The following ZRANB1 variants were observed in gnomAD, a reference collection of about 807,000 sequenced individuals.
The protein encoded by ZRANB1 is ubiquitin thioesterase ZRANB1.
In ZRANB1, 16 loss-of-function variants were observed where a neutral mutation model predicts 80.5. The ratio of observed to expected loss-of-function variants is 0.20; its 90% CI spans 0.13 to 0.30. The LOEUF (loss-of-function observed/expected upper bound fraction) is 0.30. ZRANB1 is among the 10% of genes least tolerant of loss of function. The pLI, the probability that ZRANB1 is intolerant of heterozygous loss-of-function variation, is 1.00. For missense variants in ZRANB1, 576 were observed against 862.6 expected (o/e 0.67, Z 4.16); for synonymous variants, 291 against 293.1 (o/e 0.99, Z 0.07).
the ZRANB1 span, among the ~76,000 whole-genome samples, chr10:124,930,051 G>A: frequency 0.62 from 94,758 of 151,806 alleles, 31,920 homozygotes; most frequent in Non-Finnish European, 0.75. Flanking sequence ...AACTTAAGTT[G>A]ATGTTACATC....
At chr10:124,930,889 G>T in the ZRANB1 span, among the ~76,000 whole-genome samples, 1 of 151,968 alleles carries the variant, frequency 6.6e-6, no homozygotes, top group Non-Finnish European at 1.5e-5. Context: ...AAATAGCTCG[G>T]TGTAATGGTG....
intron 8 of ZRANB1, 104 bp from the exon 9 acceptor site, chr10:124,984,670 C>T (rs543841073): frequency 2.5e-6 from 3 of 1,202,896 alleles, no homozygotes; most frequent in East Asian, 2.4e-5. Context: ...TTGCTTTGGC[C>T]TTTTCATGAG....
At chr10:124,931,393 CAG>C in the ZRANB1 span, among the ~76,000 whole-genome samples, 1 of 152,016 alleles carries the variant, frequency 6.6e-6, no homozygotes, top group Non-Finnish European at 1.5e-5. Context: ...TTTTTTGAGA[CAG>C]AGTCTTGCTC....
Position 124,983,666 on chromosome 10 carries a change from T to G in ZRANB1, c.1886T>G (p.Val629Gly). 6.3e-7 allele frequency: 1 copy of G among 1,599,690 alleles called. No individual in the cohort carries two copies. Among genetic ancestry groups the G allele is most frequent in the South Asian group, 1.1e-5 (1 of 89,828 alleles). Residue 629 changes from valine (V) to glycine (G), a missense_variant, in exon 8 of 9, where the codon GTG becomes GGG. Val to Gly is a moderately radical substitution (Grantham distance 109). This residue lies in a region of ZRANB1 where 152 missense variants were observed against 221.9 expected (regional missense o/e 0.69). Coordinates refer to ENST00000359653, the MANE Select transcript of ZRANB1 (RefSeq NM_017580.3). This position sits in a 1 kb window ranked among gnomAD's most constrained non-coding sequence, Gnocchi z 6.2. ...LVDSERKLLHVHFLSAQELGN... is the reference protein window; with the variant it reads ...LVDSERKLLHGHFLSAQELGN... The stretch of plus-strand genomic sequence containing the variant: ...GACAGTGAAAGGAAGCTACTCCATG[T>G]GCACTTCCTTTCTGCTCAGGAGGTA...
chr10:124,963,505 T>A (rs1458795469), intron 1 of ZRANB1, among the ~76,000 whole-genome samples: 2 of 150,536 alleles, frequency 1.3e-5, no homozygotes, highest in African/African-American at 4.9e-5. Context: ...GTGCTCAAAG[T>A]GTAATTATGT....
At chr10:124,975,154 T>C (rs935012951) in intron 5 of ZRANB1, among the ~76,000 whole-genome samples, 2 of 152,214 alleles carry the variant, frequency 1.3e-5, no homozygotes, top group Admixed American at 1.3e-4. Flanking sequence ...TTACAAGTTT[T>C]TTTCCTTCCT....
chr10:124,974,548 G>T lies in ZRANB1; in HGVS notation c.1427+150G>T, dbSNP rs538369092. 6 of 748,760 alleles carry T rather than the reference G, an allele frequency of 8.0e-6. No individual in the cohort carries two copies. The South Asian group carries it at 8.5e-5, about 11-fold the overall frequency. The allele number at this position is 748,760 out of a possible 1,614,324, so 46.4% of individuals were successfully genotyped here. ...TTGGACATTAAAATACTTTGAACAC[G>T]TCCATGGTTTCTGTTTTTGTTTTTC... On this transcript the variant is annotated intron_variant, in intron 5 of 8. Transcript: ENST00000359653.
At chr10:124,956,983 C>A (rs1421989285) in intron 1 of ZRANB1, among the ~76,000 whole-genome samples, 1 of 152,114 alleles carries the variant, frequency 6.6e-6, no homozygotes, top group African/African-American at 2.4e-5. Flanking sequence ...GCATGTGTTT[C>A]CTAAGAACAA....
chr10:124,973,276 C>T (rs1951842752), intron 3 of ZRANB1, among the ~76,000 whole-genome samples: 1 of 152,138 alleles, frequency 6.6e-6, no homozygotes, highest in Admixed American at 6.5e-5. Context: ...ACCGTAGCCT[C>T]CTGAGTAGCT....
At chr10:124,923,464 C>T in the ZRANB1 span, among the ~76,000 whole-genome samples, 13 of 151,666 alleles carry the variant, frequency 8.6e-5, no homozygotes, top group South Asian at 6.3e-4. Flanking sequence ...CGTGGTGGTG[C>T]GCACCTGTAA....
At chr10:124,984,729 G>T (rs1564970547) in intron 8 of ZRANB1, 45 bp from the exon 9 acceptor site, 1 of 1,581,338 alleles carries the variant, frequency 6.3e-7, no homozygotes, top group Non-Finnish European at 8.6e-7. Flanking sequence ...CCAAGTCTCT[G>T]ATCTGTTGTA....
intron 1 of ZRANB1, among the ~76,000 whole-genome samples, chr10:124,958,218 G>A (rs1048198084): frequency 2.0e-5 from 3 of 152,144 alleles, no homozygotes; most frequent in Admixed American, 6.5e-5. Flanking sequence ...GACAACTTGC[G>A]ACTAGCATGT....
chr10:124,938,358 A>G (rs1379259575), upstream of ZRANB1, among the ~76,000 whole-genome samples: 1 of 148,508 alleles, frequency 6.7e-6, no homozygotes, highest in Non-Finnish European at 1.5e-5. Flanking sequence ...TTTTTTTTTG[A>G]GACAAAGTCT....
At chr10:124,941,680 T>C (rs1951537670), upstream of ZRANB1, among the ~76,000 whole-genome samples, 1 of 152,204 alleles carries the variant, frequency 6.6e-6, no homozygotes, top group Non-Finnish European at 1.5e-5. Flanking sequence ...ATTTTAAATA[T>C]TCAAAATTTA....
chr10:124,968,149 G>A (rs187064953), intron 2 of ZRANB1, among the ~76,000 whole-genome samples: 3 of 152,188 alleles, frequency 2.0e-5, no homozygotes, highest in Admixed American at 2.0e-4. Flanking sequence ...TGCCCGCCTC[G>A]GCCCCCCAAA....
chr10:124,943,997 T>C (rs898566759), intron 1 of ZRANB1, among the ~76,000 whole-genome samples: 11 of 152,220 alleles, frequency 7.2e-5, no homozygotes, highest in East Asian at 1.9e-4. Context: ...TTGCAAACTT[T>C]ATGGAACTGA....
Position 124,974,073 on chromosome 10 carries a change from T to G in ZRANB1, c.1229-127T>G, listed in dbSNP as rs532112080. On this transcript the variant is annotated intron_variant, in intron 4 of 8. Transcript: ENST00000359653. ...AGTTTATATTTCAATTGGTCAATTT[T>G]ATTTAGGTGTTTATTGGTAAATTAC... 6 of 825,548 alleles carry G rather than the reference T, an allele frequency of 7.3e-6. No individual in the cohort carries two copies. In the East Asian group the frequency reaches 1.6e-4, roughly 22 times the overall value. 51.1% of individuals were successfully genotyped at this position (825,548 alleles called of 1,614,324 possible).
chr10:124,951,532 G>A (rs1183723761), intron 1 of ZRANB1, among the ~76,000 whole-genome samples: 1 of 152,098 alleles, frequency 6.6e-6, no homozygotes, highest in African/African-American at 2.4e-5. Flanking sequence ...GCATACAAAC[G>A]ATTGTGAAGA....
chr10:124,951,190 T>C (rs1261956069), intron 1 of ZRANB1, among the ~76,000 whole-genome samples: 1 of 152,222 alleles, frequency 6.6e-6, no homozygotes, highest in Non-Finnish European at 1.5e-5. Flanking sequence ...TTAGTATTAC[T>C]TTTTTCTCTG....
Sources: allele counts gnomAD v4.1 joint callset (sites outside exome capture counted in the v4.1 genomes callset), GRCh38; gene constraint gnomAD v4.1.1; regional missense constraint gnomAD v4.1.1; non-coding constraint Gnocchi (gnomAD v3.1); transcripts MANE v1.5; gene names NCBI Gene and HGNC (gene_info 2026-07-23, HGNC 2026-07-21).